Variants in UPP2 observed in about 807,000 individuals in gnomAD.
The protein encoded by UPP2 is UPase 2.
UPP2 carries 23 observed loss-of-function variants against 26.7 expected under a neutral mutation model. The ratio of observed to expected loss-of-function variants is 0.86; its 90% CI spans 0.62 to 1.22. UPP2 has a LOEUF of 1.22. Among genes scored for constraint, UPP2 ranks in the 50% most tolerant of loss-of-function variants. UPP2 has a pLI of 0.00. For missense variants in UPP2, 387 were observed against 396.7 expected (o/e 0.98, Z 0.21); for synonymous variants, 127 against 141.3 (o/e 0.90, Z 0.72).
intron 6 of UPP2, among the ~76,000 whole-genome samples, chr2:158,129,156 T>A (rs552464876): frequency 7.9e-5 from 12 of 152,148 alleles, no homozygotes; most frequent in African/African-American, 2.7e-4. Flanking sequence ...TTTAGCGCCA[T>A]TGATTCCACC....
upstream of UPP2, among the ~76,000 whole-genome samples, chr2:158,099,785 T>C (rs940611483): frequency 6.6e-6 from 1 of 152,178 alleles, no homozygotes; most frequent in African/African-American, 2.4e-5. Context: ...GAGAATGTAA[T>C]AGTGCCAGCA....
chr2:158,110,485 TTATAATCCTTTGAGTA>T (rs1683296004), intron 2 of UPP2, among the ~76,000 whole-genome samples: 1 of 152,204 alleles, frequency 6.6e-6, no homozygotes, highest in Non-Finnish European at 1.5e-5. Context: ...ACAGCATGAT[TTATAATCCTTTGAGTA>T]TATAGCCAGT....
intron 6 of UPP2, among the ~76,000 whole-genome samples, chr2:158,124,956 G>T (rs1683660944): frequency 6.6e-6 from 1 of 152,174 alleles, no homozygotes; most frequent in Admixed American, 6.5e-5. Context: ...TAAGTTGAAA[G>T]CATATAGATG....
At chr2:158,078,003 T>C (rs541783549) in intron 3 of UPP2, among the ~76,000 whole-genome samples, 6 of 151,964 alleles carry the variant, frequency 3.9e-5, no homozygotes, top group African/African-American at 1.2e-4. Context: ...AAAGAAGAGA[T>C]ACAAATAGCA....
At chr2:158,059,631 C>G (rs1398635575) in intron 3 of UPP2, among the ~76,000 whole-genome samples, 2 of 152,190 alleles carry the variant, frequency 1.3e-5, no homozygotes, top group Non-Finnish European at 2.9e-5. Context: ...TGATTTGTCT[C>G]TGGGAGGCTG....
chr2:158,061,326 A>C (rs1682348325), intron 3 of UPP2, among the ~76,000 whole-genome samples: 1 of 152,140 alleles, frequency 6.6e-6, no homozygotes, highest in Non-Finnish European at 1.5e-5. Flanking sequence ...TGTTCCCCTC[A>C]CACAAGGCCT....
chr2:158,108,921 T>C (rs1280565366), intron 2 of UPP2, among the ~76,000 whole-genome samples: 1 of 151,404 alleles, frequency 6.6e-6, no homozygotes, highest in Admixed American at 6.6e-5. Flanking sequence ...TGTGTGTGTG[T>C]GTGTGTGTGT....
chr2:158,030,684 G>T (rs1394923187), intron 3 of UPP2, among the ~76,000 whole-genome samples: 1 of 152,298 alleles, frequency 6.6e-6, no homozygotes, highest in Admixed American at 6.5e-5. Flanking sequence ...TAAGGTAAGA[G>T]ATTATGAATA....
At chr2:158,061,264 G>A (rs1682347521) in intron 3 of UPP2, among the ~76,000 whole-genome samples, 1 of 152,192 alleles carries the variant, frequency 6.6e-6, no homozygotes, top group African/African-American at 2.4e-5. Context: ...GGTAGTTAGA[G>A]GTTTAGCATA....
At chr2:158,059,034 G>A (rs1682308466) in intron 3 of UPP2, among the ~76,000 whole-genome samples, 1 of 152,100 alleles carries the variant, frequency 6.6e-6, no homozygotes. Context: ...GTCAGCTGAG[G>A]AGGTCAAAGC....
chr2:158,074,690 T>TACACACAC (rs56277459), intron 3 of UPP2, among the ~76,000 whole-genome samples: 49,926 of 135,056 alleles, frequency 0.37, 9,925 homozygotes, highest in Non-Finnish European at 0.45. Flanking sequence ...AAGACCTTCA[T>TACACACAC]ACACACACAC....
At chr2:158,016,140 T>TAAA (rs1558904284) in intron 3 of UPP2, among the ~76,000 whole-genome samples, 3 of 148,746 alleles carry the variant, frequency 2.0e-5, no homozygotes, top group Non-Finnish European at 4.4e-5. Flanking sequence ...AAAAAAAAAC[T>TAAA]AACAGATTTT....
At chr2:158,007,216 G>A (rs1683505472) in intron 2 of UPP2, among the ~76,000 whole-genome samples, 1 of 152,138 alleles carries the variant, frequency 6.6e-6, no homozygotes, top group African/African-American at 2.4e-5. Flanking sequence ...ATTCTGCGAG[G>A]CGGTGCTATC....
At chr2:158,067,505 G>A (rs1036199774) in intron 3 of UPP2, among the ~76,000 whole-genome samples, 6 of 152,060 alleles carry the variant, frequency 3.9e-5, no homozygotes, top group African/African-American at 1.4e-4. Flanking sequence ...GGGAGAGGGA[G>A]AAGCAAAATT....
chr2:158,122,194 A>G (rs1683584578), intron 5 of UPP2, among the ~76,000 whole-genome samples: 1 of 152,006 alleles, frequency 6.6e-6, no homozygotes, highest in South Asian at 2.1e-4. Context: ...AAACCTTCAA[A>G]GACAGACCCC....
At chr2:158,100,833 G>C (rs986354170), upstream of UPP2, among the ~76,000 whole-genome samples, 3 of 152,150 alleles carry the variant, frequency 2.0e-5, no homozygotes, top group African/African-American at 7.2e-5. Context: ...CCCCAATATA[G>C]AGTCCCCTAT....
rs981659496 is a variant in UPP2 at position 158,135,511 on chromosome 2, C to T, written c.*621C>T. On this transcript the variant is annotated 3_prime_UTR_variant, in exon 7 of 7. Transcript: ENST00000005756. Reference sequence around the variant, plus strand: ...ACTCTGGATTACATTTTCCTCTCAACTGAAAACCCTCAGTAATGCAAAGAA... The same window carrying T: ...ACTCTGGATTACATTTTCCTCTCAATTGAAAACCCTCAGTAATGCAAAGAA... 6.6e-6 allele frequency: 1 copy of T among 152,200 alleles called. No individual in the cohort carries two copies. The highest frequency in any genetic ancestry group is 2.4e-5 in the African/African-American group (1 of 41,458). 9.4% of individuals were successfully genotyped at this position (152,200 alleles called of 1,614,324 possible). A position where few individuals can be genotyped will look rare whatever the true frequency, so the allele number is the denominator to read the frequency against.
intron 2 of UPP2, among the ~76,000 whole-genome samples, chr2:158,009,732 C>T (rs1288697337): frequency 6.6e-6 from 1 of 152,198 alleles, no homozygotes; most frequent in South Asian, 2.1e-4. Flanking sequence ...TTTGTGGCTT[C>T]CCCTGCATCT....
chr2:158,080,196 C>A (rs986747956), intron 3 of UPP2, among the ~76,000 whole-genome samples: 1 of 151,910 alleles, frequency 6.6e-6, no homozygotes, highest in African/African-American at 2.4e-5. Flanking sequence ...ATAATTTTAT[C>A]TTTTATTATG....
Sources: gnomAD v4.1 joint callset for allele counts (sites outside exome capture counted in the v4.1 genomes callset) on GRCh38, gnomAD v4.1.1 for gene constraint, MANE v1.5 for transcripts, NCBI Gene and HGNC (gene_info 2026-07-23, HGNC 2026-07-21) for gene names.